Variants in CCND3 observed in about 807,000 individuals in gnomAD.
The protein encoded by CCND3 is cyclin D3.
In CCND3, 9 loss-of-function variants were observed where a neutral mutation model predicts 28.7. That is an observed-to-expected ratio of 0.31 (90% CI 0.19 to 0.55). The LOEUF is 0.55. Among genes scored for constraint, CCND3 ranks in the 20% least tolerant of loss-of-function variants. The pLI, the probability that CCND3 is intolerant of heterozygous loss-of-function variation, is 0.93. For synonymous variants in CCND3, 164 were observed against 163.9 expected (o/e 1.00, Z 0.00); for missense variants, 315 against 385.8 (o/e 0.82, Z 1.54).
intron 1 of CCND3, among the ~76,000 whole-genome samples, chr6:41,977,886 C>T (rs959589415): frequency 3.3e-5 from 5 of 152,192 alleles, no homozygotes; most frequent in African/African-American, 1.2e-4. Context: ...GAAACCACAT[C>T]TTTACTAAAA....
chr6:41,941,604 C>T lies in CCND3; in HGVS notation c.46G>A (p.Gly16Arg). ...CEGTRHAPRA[G>R]PDPRLLGDQR... is the part of the protein sequence containing the mutation. ...TCCCCCAGCAGCCGCGGGTCCGGCCCGGCCCGGGGCGCGTGCCGGGTGCCT... is the reference window on the plus strand; with the variant it reads ...TCCCCCAGCAGCCGCGGGTCCGGCCTGGCCCGGGGCGCGTGCCGGGTGCCT... The change falls in exon 1 of 5, where the codon GGG becomes AGG. Residue 16 changes from glycine (G) to arginine (R), a missense_variant. Physicochemically the swap from Gly to Arg is moderately radical, Grantham distance 125 (BLOSUM62 -2). Coordinates refer to ENST00000372991, the MANE Select transcript of CCND3 (RefSeq NM_001760.5). The surrounding 1 kb of genome is among the most constrained non-coding windows in gnomAD (Gnocchi z 6.1). 6.5e-7 allele frequency: 1 copy of T among 1,528,526 alleles called. No individual in the cohort carries two copies. 94.7% of individuals were successfully genotyped at this position (1,528,526 alleles called of 1,614,324 possible).
intron 2 of CCND3, chr6:41,937,867 T>TA: frequency 5.9e-6 from 1 of 170,656 alleles, no homozygotes; most frequent in South Asian, 1.2e-4. Flanking sequence ...CAACTCTGCA[T>TA]CCCAGCCAAG....
At position 41,941,159 on chromosome 6, in the gene CCND3, A is replaced by G; in HGVS notation, c.198+293T>C. The stretch of plus-strand genomic sequence containing the variant: ...GCCGGGAGGCGGAGGGAAGCGGGAG[A>G]CGCTGTGAGAAGCCGAAGGGGAGAG... On this transcript the variant is annotated intron_variant, in intron 1 of 4. Transcript: ENST00000372991. This position sits in a 1 kb window ranked among gnomAD's most constrained non-coding sequence, Gnocchi z 6.1. The G allele has an allele frequency of 6.8e-7, 1 of 1,460,294 alleles. No individual in the cohort carries two copies. The highest frequency in any genetic ancestry group is 9.0e-7 in the Non-Finnish European group (1 of 1,111,380). 90.5% of individuals were successfully genotyped at this position (1,460,294 alleles called of 1,614,324 possible).
At chr6:42,044,726 C>T (rs1764478463) in intron 1 of CCND3, among the ~76,000 whole-genome samples, 1 of 152,028 alleles carries the variant, frequency 6.6e-6, no homozygotes. Flanking sequence ...GACCTGACCT[C>T]TCACCTCCTG....
chr6:41,985,056 C>T (rs531255404), intron 1 of CCND3, among the ~76,000 whole-genome samples: 4 of 151,976 alleles, frequency 2.6e-5, no homozygotes, highest in Non-Finnish European at 5.9e-5. Context: ...TATTAATTTC[C>T]TATGAAATGT....
At chr6:42,015,948 T>A (rs1561988246) in intron 1 of CCND3, among the ~76,000 whole-genome samples, 2 of 151,612 alleles carry the variant, frequency 1.3e-5, no homozygotes, top group Non-Finnish European at 2.9e-5. Flanking sequence ...ATTTATTTAT[T>A]TATTTTTTGA....
At chr6:42,026,785 C>A (rs538552824) in intron 1 of CCND3, among the ~76,000 whole-genome samples, 1 of 152,322 alleles carries the variant, frequency 6.6e-6, no homozygotes, top group Admixed American at 6.5e-5. Flanking sequence ...AAGGGCAGTG[C>A]CTTTTCTTTC....
chr6:41,972,240 A>AAAAGAAAAG (rs59527289), intron 1 of CCND3, among the ~76,000 whole-genome samples: 24,808 of 97,808 alleles, frequency 0.25, 3,209 homozygotes, highest in East Asian at 0.49. Context: ...AAAAAAAAAA[A>AAAAGAAAAG]AAAAGAAAAG....
At chr6:41,970,123 G>A (rs886993441) in intron 1 of CCND3, among the ~76,000 whole-genome samples, 1 of 152,020 alleles carries the variant, frequency 6.6e-6, no homozygotes, top group Non-Finnish European at 1.5e-5. Context: ...GGTGGATCAC[G>A]AGGTCAAGAG....
intron 1 of CCND3, among the ~76,000 whole-genome samples, chr6:42,036,115 C>T (rs1764200402): frequency 6.6e-6 from 1 of 150,938 alleles, no homozygotes; most frequent in Admixed American, 6.6e-5. Flanking sequence ...GCCTCCACCT[C>T]CCAAGTAGTT....
chr6:42,022,178 A>G (rs2127433450), intron 1 of CCND3, among the ~76,000 whole-genome samples: 1 of 152,300 alleles, frequency 6.6e-6, no homozygotes, highest in Middle Eastern at 3.4e-3. Flanking sequence ...GAGATCCACG[A>G]TCATCTTGCC....
At chr6:41,998,630 T>C (rs1762888516) in intron 1 of CCND3, among the ~76,000 whole-genome samples, 1 of 151,486 alleles carries the variant, frequency 6.6e-6, no homozygotes, top group Admixed American at 6.6e-5. Flanking sequence ...GCCCAGCTGA[T>C]ACCCAAAATT....
At chr6:42,014,356 A>G (rs1228935216) in intron 1 of CCND3, among the ~76,000 whole-genome samples, 2 of 149,984 alleles carry the variant, frequency 1.3e-5, no homozygotes, top group Non-Finnish European at 2.9e-5. Context: ...CAACAGCGAG[A>G]CTCTGTCTCA....
chr6:41,940,827 T>G (rs977409274), intron 1 of CCND3: 5 of 1,049,534 alleles, frequency 4.8e-6, no homozygotes, highest in Non-Finnish European at 7.5e-6. Context: ...AAGGAGCCCT[T>G]GCTCACGGAG....
intron 1 of CCND3, among the ~76,000 whole-genome samples, chr6:41,972,999 A>T (rs1004229553): frequency 1.3e-5 from 2 of 152,124 alleles, no homozygotes; most frequent in African/African-American, 4.8e-5. Flanking sequence ...GCTGGGGAAG[A>T]GAACAGCTTT....
intron 1 of CCND3, among the ~76,000 whole-genome samples, chr6:42,043,648 A>T (rs1181624879): frequency 6.6e-6 from 1 of 152,142 alleles, no homozygotes; most frequent in Non-Finnish European, 1.5e-5. Flanking sequence ...CAGTGAGCCG[A>T]GATCACGCCA....
Position 41,941,705 on chromosome 6 carries a change from C to G in CCND3, c.-56G>C. 1 of 1,234,926 alleles carries G rather than the reference C, an allele frequency of 8.1e-7. No individual in the cohort carries two copies. The highest frequency in any genetic ancestry group is 1.0e-6 in the Non-Finnish European group (1 of 967,124). 76.5% of individuals were successfully genotyped at this position (1,234,926 alleles called of 1,614,324 possible). A position where few individuals can be genotyped will look rare whatever the true frequency, so the allele number is the denominator to read the frequency against. On this transcript the variant is annotated 5_prime_UTR_variant, in exon 1 of 5. Transcript: ENST00000372991. This position sits in a 1 kb window ranked among gnomAD's most constrained non-coding sequence, Gnocchi z 6.1. The stretch of plus-strand genomic sequence containing the variant: ...GCGGGCTCGCGAGTCCCAAGGCAGG[C>G]GACGGGCCGGAGAGCGCGGGGCGCG...
chr6:41,951,186 AG>A (rs1776303222), intron 1 of CCND3, among the ~76,000 whole-genome samples: 1 of 151,858 alleles, frequency 6.6e-6, no homozygotes, highest in South Asian at 2.1e-4. Context: ...GGACTGGTGG[AG>A]ATTGGTGGTT....
chr6:41,984,491 C>T (rs947635593), intron 1 of CCND3, among the ~76,000 whole-genome samples: 19 of 152,208 alleles, frequency 1.2e-4, no homozygotes, highest in Non-Finnish European at 2.2e-4. Flanking sequence ...GGATTACAGG[C>T]GCCTGCCACT....
Sources: gnomAD v4.1 joint callset for allele counts (sites outside exome capture counted in the v4.1 genomes callset) on GRCh38, gnomAD v4.1.1 for gene constraint, Gnocchi (gnomAD v3.1) non-coding constraint, MANE v1.5 for transcripts, NCBI Gene and HGNC (gene_info 2026-07-23, HGNC 2026-07-21) for gene names.